Variants in ITGA11 observed in about 807,000 individuals in gnomAD.
The protein encoded by ITGA11 is integrin subunit alpha 11, also known as integrin alpha-11.
Under a neutral mutation model 141.9 loss-of-function variants are expected in ITGA11, and 97 were observed. That is an observed-to-expected ratio of 0.68 (90% CI 0.58 to 0.81). The LOEUF is 0.81. Ranked by LOEUF, ITGA11 falls within the 30% of genes least tolerant of loss-of-function variation. The pLI is 0.00. For missense variants in ITGA11, 1,387 were observed against 1,559.2 expected (o/e 0.89, Z 1.86); for synonymous variants, 658 against 624.6 (o/e 1.05, Z -0.80).
At chr15:68,339,756 C>T in intron 10 of ITGA11, 112 bp from the exon 11 acceptor site, 2 of 1,205,776 alleles carry the variant, frequency 1.7e-6, no homozygotes, top group Non-Finnish European at 2.4e-6. Flanking sequence ...CGGGCACCTT[C>T]TCCTGGGTGC....
At chr15:68,417,265 C>T (rs1291561812) in intron 1 of ITGA11, among the ~76,000 whole-genome samples, 1 of 152,184 alleles carries the variant, frequency 6.6e-6, no homozygotes, top group Non-Finnish European at 1.5e-5. Context: ...ATGGTTTTGT[C>T]CCCATTGCAG....
At position 68,307,360 on chromosome 15, in the gene ITGA11, A is replaced by G. The variant is rs2140265625; in HGVS notation, c.3369T>C (p.Asp1123=). The change falls in exon 28 of 30, where the codon GAT becomes GAC. Residue 1123 remains aspartate, a synonymous_variant. Transcript: ENST00000315757. The surrounding 1 kb of genome is among the most constrained non-coding windows in gnomAD (Gnocchi z 6.1). ...FHSPFIFREE[D]PSRQIVFEIS... ...CCCAGGGGCTCACCTGGCGGCTGGG[A>G]TCCTCCTCACGGAAGATGAAGGGGC... The G allele has an allele frequency of 6.4e-7, 1 of 1,555,842 alleles. No individual in the cohort carries two copies. The highest frequency in any genetic ancestry group is 8.7e-7 in the Non-Finnish European group (1 of 1,149,034).
intron 2 of ITGA11, among the ~76,000 whole-genome samples, chr15:68,371,145 A>G (rs115067342): frequency 4.9e-4 from 75 of 152,250 alleles, no homozygotes; most frequent in African/African-American, 1.7e-3. Context: ...AGACGAGGTG[A>G]TTTTTGGCTA....
Position 68,303,096 on chromosome 15 carries a change from T to A in ITGA11, c.3530A>T (p.Glu1177Val). Reference sequence around the variant, plus strand: ...TTTGGGGGTGGGGTCCAGACCAGGCTCCCTCCTGCGCCTGGCACTTCTAAA... The same window carrying A: ...TTTGGGGGTGGGGTCCAGACCAGGCACCCTCCTGCGCCTGGCACTTCTAAA... ...GFFRSARRRR[E>V]PGLDPTPKVL... The change falls in exon 30 of 30, where the codon GAG becomes GTG. Residue 1177 changes from glutamate to valine, a missense_variant. Glu to Val is a moderately radical substitution (Grantham distance 121, BLOSUM62 -2). Coordinates refer to ENST00000315757, the MANE Select transcript of ITGA11 (RefSeq NM_001004439.2). The surrounding 1 kb of genome is among the most constrained non-coding windows in gnomAD (Gnocchi z 5.3). The A allele has an allele frequency of 5.2e-6, 8 of 1,550,790 alleles. No individual in the cohort carries two copies. Among genetic ancestry groups the A allele is most frequent in the Non-Finnish European group, 7.0e-6 (8 of 1,146,984 alleles).
At chr15:68,396,290 A>G (rs1253595770) in intron 2 of ITGA11, among the ~76,000 whole-genome samples, 2 of 152,038 alleles carry the variant, frequency 1.3e-5, no homozygotes, top group Non-Finnish European at 2.9e-5. Flanking sequence ...AATGTAATTA[A>G]CCATATTAAC....
At chr15:68,336,168 C>T in intron 11 of ITGA11, 1 of 376,846 alleles carries the variant, frequency 2.7e-6, no homozygotes, top group Non-Finnish European at 4.9e-6. Flanking sequence ...TGCTCATGAG[C>T]ACAGCAGAGG....
At chr15:68,361,794 G>C (rs1051052132) in intron 4 of ITGA11, 90 bp from the exon 5 acceptor site, 3 of 816,972 alleles carry the variant, frequency 3.7e-6, no homozygotes, top group African/African-American at 3.4e-5. Context: ...CATCCTCCAC[G>C]ACCCAAGACA....
At position 68,332,457 on chromosome 15, in the gene ITGA11, C is replaced by T. The variant is rs1288888543; in HGVS notation, c.1447G>A (p.Glu483Lys). Residue 483 changes from glutamate to lysine, a missense_variant, in exon 13 of 30, where the codon GAA becomes AAA. Physicochemically the swap from Glu to Lys is moderately conservative, Grantham distance 56 (BLOSUM62 1). Transcript: ENST00000315757. ...CCGTCGATGTCCACCGAGGTGATTT[C>T]ACTCCCAAAGTAAGAGCCTATCTGC... Reference protein sequence around the residue: ...GQQIGSYFGSEITSVDIDGDG... With the variant: ...GQQIGSYFGSKITSVDIDGDG... 4.3e-6 allele frequency: 7 copies of T among 1,612,108 alleles called. No homozygotes were observed. The highest frequency in any genetic ancestry group is 5.9e-6 in the Non-Finnish European group (7 of 1,179,240).
At chr15:68,375,124 C>T (rs562740704) in intron 2 of ITGA11, among the ~76,000 whole-genome samples, 34 of 152,252 alleles carry the variant, frequency 2.2e-4, no homozygotes, top group South Asian at 1.0e-3. Context: ...GCCAGCAGGG[C>T]CTCTCCCCAC....
At chr15:68,348,239 C>T (rs1445409458) in intron 10 of ITGA11, among the ~76,000 whole-genome samples, 1 of 152,170 alleles carries the variant, frequency 6.6e-6, no homozygotes, top group Non-Finnish European at 1.5e-5. Context: ...TGTGGGCCAG[C>T]CCCACCCCAG....
intron 10 of ITGA11, among the ~76,000 whole-genome samples, chr15:68,344,319 G>A (rs926665457): frequency 6.6e-6 from 1 of 152,154 alleles, no homozygotes; most frequent in African/African-American, 2.4e-5. Context: ...AGCTTCCACA[G>A]GTCAACTCCT....
In ITGA11 at chr15:68,302,239, C is replaced by G. The variant is rs1893057235; in HGVS notation, c.*820G>C. 6.6e-6 allele frequency: 1 copy of G among 152,218 alleles called. No individual in the cohort carries two copies. Among genetic ancestry groups the G allele is most frequent in the South Asian group, 2.1e-4 (1 of 4,824 alleles). 9.4% of individuals were successfully genotyped at this position (152,218 alleles called of 1,614,324 possible). A position where few individuals can be genotyped will look rare whatever the true frequency, so the allele number is the denominator to read the frequency against. ...CAAGAAGACGTGGGAATGCACAGCCCCAGGGATTGTGTCATCCACATGCTT... is the reference window on the plus strand; with the variant it reads ...CAAGAAGACGTGGGAATGCACAGCCGCAGGGATTGTGTCATCCACATGCTT... On this transcript the variant is annotated 3_prime_UTR_variant, in exon 30 of 30. Transcript: ENST00000315757.
rs1893915558 is a variant in ITGA11 at position 68,324,655 on chromosome 15, A to G, written c.2322+476T>C. Among the ~76,000 whole-genome samples, 1 of 152,060 alleles carries G rather than the reference A, an allele frequency of 6.6e-6. No homozygotes were observed. Among genetic ancestry groups the G allele is most frequent in the Admixed American group, 6.5e-5 (1 of 15,280 alleles). The stretch of plus-strand genomic sequence containing the variant: ...GGGGCCGCTTCTTTTTGGAATGCTT[A>G]GGACCGCTGTCAGTCAGTTAAAACA... On this transcript the variant is annotated intron_variant, in intron 18 of 29. Coordinates refer to ENST00000315757, the MANE Select transcript of ITGA11 (RefSeq NM_001004439.2). This position sits in a 1 kb window ranked among gnomAD's most constrained non-coding sequence, Gnocchi z 6.3.
At chr15:68,364,644 T>TCCACCC in intron 4 of ITGA11, 63 bp downstream of exon 4, 1 of 957,018 alleles carries the variant, frequency 1.0e-6, no homozygotes, top group Non-Finnish European at 1.7e-6. Context: ...AAGGAGACGC[T>TCCACCC]CCACCCCTCC....
chr15:68,358,863 C>T (rs1212439088), intron 5 of ITGA11, among the ~76,000 whole-genome samples: 1 of 152,228 alleles, frequency 6.6e-6, no homozygotes, highest in Non-Finnish European at 1.5e-5. Context: ...TACCAATCGG[C>T]CAACGCTTCC....
intron 1 of ITGA11, among the ~76,000 whole-genome samples, chr15:68,419,145 G>T (rs1313878132): frequency 6.6e-6 from 1 of 152,164 alleles, no homozygotes; most frequent in Non-Finnish European, 1.5e-5. Context: ...TCCACCAGAT[G>T]CCATTGTCTA....
chr15:68,387,449 C>T (rs1333679015), intron 2 of ITGA11, among the ~76,000 whole-genome samples: 2 of 152,174 alleles, frequency 1.3e-5, no homozygotes, highest in East Asian at 1.9e-4. Context: ...ATTCCCAGGC[C>T]TCACTCAGAC....
chr15:68,403,038 G>C lies in ITGA11; in HGVS notation c.53-9C>G. On this transcript the variant is annotated splice_polypyrimidine_tract_variant and intron_variant, in intron 1 of 29. Transcript: ENST00000315757. The stretch of plus-strand genomic sequence containing the variant: ...GAAGGTGTCCGTGAACCCTGAGGCA[G>C]GGGGAGAGGAGAGGAGAAGCAGGGG... 6.3e-7 allele frequency: 1 copy of C among 1,590,066 alleles called. No individual in the cohort carries two copies. Among genetic ancestry groups the C allele is most frequent in the African/African-American group, 1.3e-5 (1 of 74,706 alleles).
chr15:68,323,504 G>A (rs930400338), intron 18 of ITGA11, among the ~76,000 whole-genome samples: 6 of 152,200 alleles, frequency 3.9e-5, no homozygotes, highest in African/African-American at 9.7e-5. Context: ...TTAGAACAGC[G>A]CTGGGCATTT....
Sources: gnomAD v4.1 joint callset for allele counts (sites outside exome capture counted in the v4.1 genomes callset) on GRCh38, gnomAD v4.1.1 for gene constraint, Gnocchi (gnomAD v3.1) non-coding constraint, MANE v1.5 for transcripts, NCBI Gene and HGNC (gene_info 2026-07-23, HGNC 2026-07-21) for gene names.